Variants in LRP1B observed in about 807,000 individuals in gnomAD.
The protein encoded by LRP1B is LDL receptor related protein 1B.
A neutral mutation model predicts 556.6 loss-of-function variants in LRP1B; 217 were observed. The observed-to-expected ratio is 0.39, with a 90% confidence interval of 0.35 to 0.44. The LOEUF (loss-of-function observed/expected upper bound fraction) is 0.44, where lower values mean the gene tolerates loss of function less well. Ranked by LOEUF, LRP1B falls within the 20% of genes least tolerant of loss-of-function variation. The pLI, the probability that LRP1B is intolerant of heterozygous loss-of-function variation, is 1.00. For synonymous variants in LRP1B, 2,047 were observed against 1,865.8 expected (o/e 1.10, Z -2.50); for missense variants, 5,053 against 5,620.8 (o/e 0.90, Z 3.23).
At chr2:141,646,599 A>G (rs1231756458) in intron 2 of LRP1B, among the ~76,000 whole-genome samples, 8 of 152,158 alleles carry the variant, frequency 5.3e-5, no homozygotes, top group Non-Finnish European at 7.4e-5. Flanking sequence ...ACTAGTTACA[A>G]CCCACCAAGA....
intron 2 of LRP1B, among the ~76,000 whole-genome samples, chr2:141,525,945 T>C (rs1233112034): frequency 6.6e-6 from 1 of 152,080 alleles, no homozygotes; most frequent in African/African-American, 2.4e-5. Context: ...TTAGTTTTGC[T>C]GAATCTGCCA....
intron 3 of LRP1B, among the ~76,000 whole-genome samples, chr2:141,359,707 G>T (rs1391326737): frequency 2.0e-5 from 3 of 152,214 alleles, no homozygotes; most frequent in African/African-American, 7.2e-5. Context: ...AGTGGGCCAA[G>T]ATCGTGCCAC....
Position 140,414,342 on chromosome 2 carries a change from A to G in LRP1B, c.10414+28162T>C, listed in dbSNP as rs138570237. Among the ~76,000 whole-genome samples the G allele has an allele frequency of 2.6e-5, 4 of 152,310 alleles. No individual in the cohort carries two copies. The East Asian group carries it at 5.8e-4, about 22-fold the overall frequency. On this transcript the variant is annotated intron_variant, in intron 66 of 90. Transcript: ENST00000389484. The stretch of plus-strand genomic sequence containing the variant: ...GTTTCAGCTTCCTGTAATTTCTACA[A>G]CTAAATCTCTGATCTAGGGCCTCAC...
At chr2:140,384,159 T>A (rs1008316525) in intron 67 of LRP1B, among the ~76,000 whole-genome samples, 1 of 152,134 alleles carries the variant, frequency 6.6e-6, no homozygotes, top group African/African-American at 2.4e-5. Context: ...AAGACATGTC[T>A]ACAGAGTTGG....
intron 1 of LRP1B, among the ~76,000 whole-genome samples, chr2:141,826,479 C>T (rs1696932765): frequency 6.6e-6 from 1 of 151,324 alleles, no homozygotes; most frequent in Non-Finnish European, 1.5e-5. Context: ...CCTGCCTCAG[C>T]CTCCGGAGTA....
intron 1 of LRP1B, among the ~76,000 whole-genome samples, chr2:141,821,590 G>A (rs1696754403): frequency 6.6e-6 from 1 of 152,120 alleles, no homozygotes; most frequent in African/African-American, 2.4e-5. Context: ...TATGAATTGG[G>A]AAGTATATAT....
At chr2:142,069,668 C>A (rs1705239682) in intron 1 of LRP1B, among the ~76,000 whole-genome samples, 1 of 151,674 alleles carries the variant, frequency 6.6e-6, no homozygotes, top group East Asian at 1.9e-4. Flanking sequence ...CATAAGGACA[C>A]AATAAATCTC....
At chr2:141,874,135 A>G (rs914576772) in intron 1 of LRP1B, among the ~76,000 whole-genome samples, 1 of 98,700 alleles carries the variant, frequency 1.0e-5, no homozygotes, top group African/African-American at 4.4e-5. Flanking sequence ...CAGAGTAGGT[A>G]TTTAATCCGG....
chr2:141,059,171 T>G, intron 8 of LRP1B, 117 bp from the exon 9 acceptor site: 1 of 631,630 alleles, frequency 1.6e-6, no homozygotes. Flanking sequence ...ACCGCAAGGA[T>G]GTTATTTACT....
intron 79 of LRP1B, among the ~76,000 whole-genome samples, chr2:140,330,198 T>TTAA (rs1403698521): frequency 1.2e-4 from 8 of 65,690 alleles, no homozygotes; most frequent in Non-Finnish European, 2.7e-4. Context: ...AGACTCTGTC[T>TTAA]CAATAATAAT....
intron 2 of LRP1B, among the ~76,000 whole-genome samples, chr2:141,802,630 A>G (rs1696045269): frequency 1.3e-5 from 2 of 152,134 alleles, no homozygotes; most frequent in Admixed American, 1.3e-4. Context: ...GGAGAGAGAA[A>G]AAAAGGCATC....
At chr2:140,567,740 G>C (rs1392642277) in intron 43 of LRP1B, among the ~76,000 whole-genome samples, 1 of 152,098 alleles carries the variant, frequency 6.6e-6, no homozygotes. Context: ...AAAACAAAGA[G>C]GGATCTCCTT....
chr2:140,643,175 GA>G lies in LRP1B; in HGVS notation c.6800-41537del, dbSNP rs765738748. Among the ~76,000 whole-genome samples the G allele has an allele frequency of 7.0e-4, 105 of 150,300 alleles. 1 individual carries two copies. The highest frequency in any genetic ancestry group is 2.2e-3 in the African/African-American group (90 of 41,032). ...ATTGTTCCCTTTTTTCTTAAATACA[GA>G]AAAAAAAATGTATATATACCCAGGA... On this transcript the variant is annotated intron_variant, in intron 41 of 90. Transcript: ENST00000389484.
intron 41 of LRP1B, among the ~76,000 whole-genome samples, chr2:140,675,424 A>G (rs765824554): frequency 1.3e-5 from 2 of 152,232 alleles, no homozygotes; most frequent in Non-Finnish European, 2.9e-5. Context: ...CTAAAATGTG[A>G]CTAAAAATTA....
intron 1 of LRP1B, among the ~76,000 whole-genome samples, chr2:141,892,447 G>A (rs1349479324): frequency 6.6e-6 from 1 of 151,816 alleles, no homozygotes; most frequent in African/African-American, 2.4e-5. Flanking sequence ...AATCTATATG[G>A]AGTGTTATAT....
chr2:141,795,946 T>C (rs988311506), intron 2 of LRP1B, among the ~76,000 whole-genome samples: 30 of 144,390 alleles, frequency 2.1e-4, no homozygotes, highest in Admixed American at 2.0e-3. Flanking sequence ...TGAATCTTGA[T>C]CACAAAGGAT....
Position 140,639,997 on chromosome 2 carries a change from TTTTG to T in LRP1B, c.6800-38362_6800-38359del, listed in dbSNP as rs755822626. Among the ~76,000 whole-genome samples, 35 of 152,236 alleles carry T rather than the reference TTTTG, an allele frequency of 2.3e-4. No homozygotes were observed. The Middle Eastern group carries it at 0.01, about 44-fold the overall frequency. ...TTTTCCACTCAAATGCTACATTGTT[TTTTG>T]TTTGTTTGTTTGTTTTTTTAAGACA... On this transcript the variant is annotated intron_variant, in intron 41 of 90. Transcript: ENST00000389484.
At position 140,998,246 on chromosome 2, in the gene LRP1B, A is replaced by G. The variant is rs80229156; in HGVS notation, c.2504-4111T>C. ...ATGTTCAAGTTGCTCTCCTGGGAGTAAGGCACATTGAAAAATTCTGTCTTA... is the reference window on the plus strand; with the variant it reads ...ATGTTCAAGTTGCTCTCCTGGGAGTGAGGCACATTGAAAAATTCTGTCTTA... On this transcript the variant is annotated intron_variant, in intron 15 of 90. Coordinates refer to ENST00000389484, the MANE Select transcript of LRP1B (RefSeq NM_018557.3). 1.2e-3 allele frequency among the ~76,000 whole-genome samples: 187 copies of G among 152,182 alleles called. 1 individual carries two copies. The East Asian group carries it at 0.027, about 22-fold the overall frequency.
At chr2:141,522,635 A>G (rs1684565616) in intron 2 of LRP1B, among the ~76,000 whole-genome samples, 1 of 152,168 alleles carries the variant, frequency 6.6e-6, no homozygotes, top group Admixed American at 6.6e-5. Context: ...TTTAAAAGTG[A>G]ATAGAATCAA....
Sources: gnomAD v4.1 joint callset for allele counts (sites outside exome capture counted in the v4.1 genomes callset) on GRCh38, gnomAD v4.1.1 for gene constraint, MANE v1.5 for transcripts, NCBI Gene and HGNC (gene_info 2026-07-23, HGNC 2026-07-21) for gene names.